The following PDE10A variants were observed in gnomAD, a reference collection of about 807,000 sequenced individuals.
The protein encoded by PDE10A is cAMP and cAMP-inhibited cGMP 3',5'-cyclic phosphodiesterase 10A.
Under a neutral mutation model 97.7 loss-of-function variants are expected in PDE10A, and 39 were observed. That is an observed-to-expected ratio of 0.40 (90% confidence interval 0.31 to 0.52). The LOEUF is 0.52. Among genes scored for constraint, PDE10A ranks in the 20% least tolerant of loss-of-function variants. The pLI is 0.56. For missense variants in PDE10A, 731 were observed against 1,047.8 expected, an observed-to-expected ratio of 0.70 and a Z score of 4.17; for synonymous variants, 371 against 376.8, an observed-to-expected ratio of 0.98 and a Z score of 0.18.
intron 1 of PDE10A, among the ~76,000 whole-genome samples, chr6:165,591,349 G>A (rs1786256033): frequency 6.6e-6 from 1 of 152,226 alleles, no homozygotes; most frequent in Non-Finnish European, 1.5e-5. Flanking sequence ...ACAGAAACTG[G>A]AATGAGGTAT....
At chr6:165,604,512 CTT>C (rs1300151439) in intron 1 of PDE10A, among the ~76,000 whole-genome samples, 4 of 82,306 alleles carry the variant, frequency 4.9e-5, no homozygotes, top group Admixed American at 1.1e-4. Context: ...CACTTACTCT[CTT>C]TGTTAAAAAA....
At chr6:165,513,283 C>T (rs58213355) in intron 2 of PDE10A, among the ~76,000 whole-genome samples, 35,785 of 151,840 alleles carry the variant, frequency 0.24, 4,809 homozygotes, top group African/African-American at 0.38. Context: ...ATATAATTGT[C>T]CCCTACCAAC....
chr6:165,888,767 G>T (rs192546097), intron 1 of PDE10A, among the ~76,000 whole-genome samples: 1 of 152,344 alleles, frequency 6.6e-6, no homozygotes. Flanking sequence ...GAGAGTTATG[G>T]AGGATAGAGT....
intron 18 of PDE10A, among the ~76,000 whole-genome samples, chr6:165,359,424 T>A (rs1404829203): frequency 6.6e-6 from 1 of 152,220 alleles, no homozygotes; most frequent in Non-Finnish European, 1.5e-5. Flanking sequence ...TTGCTCTCCA[T>A]GATTTCTGGC....
chr6:165,680,425 A>G (rs1790943970), intron 1 of PDE10A, among the ~76,000 whole-genome samples: 1 of 152,226 alleles, frequency 6.6e-6, no homozygotes, highest in African/African-American at 2.4e-5. Flanking sequence ...AATCGGAGGT[A>G]CTTTCTCTGC....
chr6:165,552,946 C>A (rs572695924), intron 1 of PDE10A, among the ~76,000 whole-genome samples: 1 of 152,240 alleles, frequency 6.6e-6, no homozygotes, highest in Admixed American at 6.5e-5. Flanking sequence ...CACAGACGGA[C>A]CCACCAGGAA....
chr6:165,509,190 C>T (rs1781371611), intron 2 of PDE10A, among the ~76,000 whole-genome samples: 1 of 151,850 alleles, frequency 6.6e-6, no homozygotes, highest in Non-Finnish European at 1.5e-5. Context: ...GTATTTTTTA[C>T]ACGCACAGAA....
intron 2 of PDE10A, among the ~76,000 whole-genome samples, chr6:165,518,048 G>A (rs1445830664): frequency 1.3e-5 from 2 of 152,148 alleles, no homozygotes; most frequent in Non-Finnish European, 2.9e-5. Flanking sequence ...TTAAGTGGCA[G>A]ATCCCAAATT....
At chr6:165,578,973 G>A (rs1785467027) in intron 1 of PDE10A, among the ~76,000 whole-genome samples, 1 of 152,160 alleles carries the variant, frequency 6.6e-6, no homozygotes, top group African/African-American at 2.4e-5. Context: ...CAAACAAATG[G>A]ACACCCACAT....
At chr6:165,480,405 T>C (rs1779536111) in intron 3 of PDE10A, among the ~76,000 whole-genome samples, 1 of 151,894 alleles carries the variant, frequency 6.6e-6, no homozygotes, top group Admixed American at 6.6e-5. Context: ...TTGGGCAACA[T>C]GGAAAAATCC....
In PDE10A at chr6:165,410,945, G is replaced by A. The variant is rs1204349624; in HGVS notation, c.2076+2556C>T. Among the ~76,000 whole-genome samples the A allele has an allele frequency of 3.2e-4, 11 of 34,630 alleles. 4 individuals carry two copies. The African/African-American group carries it at 4.0e-3, about 13-fold the overall frequency. 22.7% of individuals were successfully genotyped at this position (34,630 alleles called of 152,430 possible). ...CTACTAAAAATACAAAAAAATAGCC[G>A]GGCGTGGTGGCGGTGCCTGTAGTCC... On this transcript the variant is annotated intron_variant, in intron 13 of 21. Transcript: ENST00000539869.
chr6:165,371,929 A>C (rs1262478860), intron 18 of PDE10A, among the ~76,000 whole-genome samples: 5 of 152,118 alleles, frequency 3.3e-5, no homozygotes, highest in African/African-American at 9.7e-5. Flanking sequence ...CAATATATGC[A>C]AATCCATAAA....
intron 2 of PDE10A, among the ~76,000 whole-genome samples, chr6:165,500,378 C>A (rs979310628): frequency 2.0e-5 from 3 of 152,128 alleles, no homozygotes; most frequent in Non-Finnish European, 2.9e-5. Context: ...AATTCTTCTG[C>A]CTTGAGATGC....
intron 1 of PDE10A, among the ~76,000 whole-genome samples, chr6:165,700,543 G>A (rs79467236): frequency 0.018 from 2,694 of 152,092 alleles, 79 homozygotes; most frequent in African/African-American, 0.062. Context: ...CACCTATGTC[G>A]TGCACGCATT....
chr6:165,949,341 C>T (rs1282494922), intron 1 of PDE10A: 1 of 152,272 alleles, frequency 6.6e-6, no homozygotes, highest in African/African-American at 2.4e-5. Flanking sequence ...AGTGCACGGG[C>T]TGGAGGAGGT....
At chr6:165,410,918 C>G (rs1787716587) in intron 13 of PDE10A, among the ~76,000 whole-genome samples, 1 of 83,092 alleles carries the variant, frequency 1.2e-5, no homozygotes, top group Non-Finnish European at 2.3e-5. Context: ...GAAACCCCGT[C>G]TCTACTAAAA....
intron 1 of PDE10A, among the ~76,000 whole-genome samples, chr6:165,694,562 G>A (rs777378829): frequency 1.7e-4 from 26 of 152,144 alleles, no homozygotes; most frequent in South Asian, 6.2e-4. Context: ...GGGCGGTGTC[G>A]GGAGACCGGG....
At chr6:165,559,757 T>G (rs1473580800) in intron 1 of PDE10A, among the ~76,000 whole-genome samples, 1 of 152,318 alleles carries the variant, frequency 6.6e-6, no homozygotes, top group South Asian at 2.1e-4. Flanking sequence ...GGGAGATAAC[T>G]GAATCTTGGG....
chr6:165,636,358 C>CA (rs1347632562), intron 1 of PDE10A, among the ~76,000 whole-genome samples: 4 of 152,086 alleles, frequency 2.6e-5, no homozygotes, highest in African/African-American at 9.7e-5. Context: ...TTCCTAGGAG[C>CA]AAAATTGAAG....
Sources: allele counts gnomAD v4.1 joint callset (sites outside exome capture counted in the v4.1 genomes callset), GRCh38; gene constraint gnomAD v4.1.1; transcripts MANE v1.5; gene names NCBI Gene and HGNC (gene_info 2026-07-23, HGNC 2026-07-21).